Variants in MALRD1 observed in about 807,000 individuals in gnomAD.
MALRD1 encodes MAM and LDL-receptor class A domain-containing protein 1.
A neutral mutation model predicts 242.1 loss-of-function variants in MALRD1; 247 were observed. The observed-to-expected ratio is 1.02, with a 90% confidence interval of 0.92 to 1.13. MALRD1 has a LOEUF of 1.13. Ranked by LOEUF, MALRD1 falls within the 50% of genes most tolerant of loss-of-function variation. MALRD1 has a pLI of 0.00. For synonymous variants in MALRD1, 995 were observed against 866.6 expected, an observed-to-expected ratio of 1.15 and a Z score of -2.60; for missense variants, 2,989 against 2,533.1, an observed-to-expected ratio of 1.18 and a Z score of -3.86.
chr10:19,424,153 AT>A (rs763383362), intron 28 of MALRD1, among the ~76,000 whole-genome samples: 6 of 150,808 alleles, frequency 4.0e-5, no homozygotes, highest in South Asian at 2.1e-4. Flanking sequence ...GTTTTTCTTT[AT>A]TTTTTTTTCT....
chr10:19,512,376 T>C (rs1245213221), intron 31 of MALRD1, among the ~76,000 whole-genome samples: 1 of 152,218 alleles, frequency 6.6e-6, no homozygotes, highest in Non-Finnish European at 1.5e-5. Flanking sequence ...AGAATAGATA[T>C]TATTGCCATC....
chr10:19,512,719 A>T (rs879353405), intron 31 of MALRD1, among the ~76,000 whole-genome samples: 4 of 152,172 alleles, frequency 2.6e-5, no homozygotes, highest in African/African-American at 7.2e-5. Flanking sequence ...ATAGGTAGAA[A>T]TGCAGCGCCT....
At chr10:19,662,328 C>A (rs150879148) in intron 36 of MALRD1, among the ~76,000 whole-genome samples, 67 of 152,222 alleles carry the variant, frequency 4.4e-4, no homozygotes, top group Non-Finnish European at 5.3e-4. Context: ...TCCACTGAGG[C>A]TCTCCTTCAC....
At chr10:19,204,501 TC>T (rs1215440947) in intron 16 of MALRD1, 88 bp downstream of exon 16, 3 of 837,882 alleles carry the variant, frequency 3.6e-6, no homozygotes, top group African/African-American at 1.7e-5. Flanking sequence ...CTTATTCATT[TC>T]TGTGGTTTAC....
intron 30 of MALRD1, among the ~76,000 whole-genome samples, chr10:19,497,787 A>G (rs543415503): frequency 5.3e-5 from 8 of 152,314 alleles, no homozygotes; most frequent in Admixed American, 5.2e-4. Flanking sequence ...GAGTGCTTCA[A>G]AAGTAATAAC....
At chr10:19,131,236 A>G (rs993452527) in intron 8 of MALRD1, among the ~76,000 whole-genome samples, 5 of 152,170 alleles carry the variant, frequency 3.3e-5, no homozygotes, top group Non-Finnish European at 7.4e-5. Flanking sequence ...CATGAATAGA[A>G]TGCTGTTTTG....
intron 18 of MALRD1, among the ~76,000 whole-genome samples, chr10:19,231,137 G>T (rs190489213): frequency 6.6e-6 from 1 of 152,086 alleles, no homozygotes; most frequent in Non-Finnish European, 1.5e-5. Flanking sequence ...GGGACAACTC[G>T]TATCTGAAGA....
chr10:19,260,198 C>T (rs1462812171), intron 19 of MALRD1, among the ~76,000 whole-genome samples: 1 of 152,158 alleles, frequency 6.6e-6, no homozygotes, highest in Non-Finnish European at 1.5e-5. Flanking sequence ...AGCCAAGTCT[C>T]AGTAGCTTAT....
chr10:19,575,183 AT>A (rs2131486979), intron 33 of MALRD1, among the ~76,000 whole-genome samples: 1 of 152,300 alleles, frequency 6.6e-6, no homozygotes, highest in Admixed American at 6.5e-5. Context: ...CAGATGGCAA[AT>A]GCAATACTCA....
At chr10:19,204,666 T>G (rs568861347) in intron 16 of MALRD1, among the ~76,000 whole-genome samples, 7 of 152,314 alleles carry the variant, frequency 4.6e-5, no homozygotes, top group African/African-American at 1.4e-4. Flanking sequence ...GATTTCTTCC[T>G]CTTGTTATGT....
chr10:19,274,146 A>C (rs1840389226), intron 19 of MALRD1, among the ~76,000 whole-genome samples: 1 of 152,228 alleles, frequency 6.6e-6, no homozygotes, highest in Admixed American at 6.5e-5. Context: ...AAAATAATTC[A>C]AGCAGAATCT....
chr10:19,579,335 A>G (rs928824979), intron 33 of MALRD1, among the ~76,000 whole-genome samples: 5 of 152,310 alleles, frequency 3.3e-5, no homozygotes, highest in South Asian at 2.1e-4. Context: ...TAAGACAGAT[A>G]AAACTGTTGT....
At chr10:19,200,985 C>CCCAGAGTAAATGCTAATTT (rs1269851532) in intron 14 of MALRD1, among the ~76,000 whole-genome samples, 1 of 152,062 alleles carries the variant, frequency 6.6e-6, no homozygotes, top group East Asian at 1.9e-4. Flanking sequence ...GCTTGCTATA[C>CCCAGAGTAAATGCTAATTT]ACTAAACCCA....
At chr10:19,060,463 A>T (rs1834790975) in intron 1 of MALRD1, among the ~76,000 whole-genome samples, 1 of 151,802 alleles carries the variant, frequency 6.6e-6, no homozygotes, top group Non-Finnish European at 1.5e-5. Context: ...CCTTCCCCCA[A>T]TCTACCTCCT....
At chr10:19,171,427 TACATA>T (rs1834922111) in intron 13 of MALRD1, among the ~76,000 whole-genome samples, 1 of 22,170 alleles carries the variant, frequency 4.5e-5, no homozygotes, top group East Asian at 2.9e-3. Context: ...ATATTTTATA[TACATA>T]TATATATATA....
At chr10:19,395,372 T>C (rs1846530512) in intron 28 of MALRD1, among the ~76,000 whole-genome samples, 2 of 152,138 alleles carry the variant, frequency 1.3e-5, no homozygotes, top group Admixed American at 1.3e-4. Context: ...TAAACATTGG[T>C]TTGTTCCAGA....
At chr10:19,119,247 T>C (rs988794768) in intron 5 of MALRD1, among the ~76,000 whole-genome samples, 2 of 152,142 alleles carry the variant, frequency 1.3e-5, no homozygotes, top group Admixed American at 6.5e-5. Flanking sequence ...AGAAAGTTTA[T>C]GTTGAGAAAA....
At chr10:19,518,675 T>C (rs1455079911) in intron 31 of MALRD1, among the ~76,000 whole-genome samples, 3 of 151,740 alleles carry the variant, frequency 2.0e-5, no homozygotes, top group African/African-American at 7.3e-5. Context: ...TTTTTTTTTT[T>C]CATAAATACT....
intron 13 of MALRD1, among the ~76,000 whole-genome samples, chr10:19,168,602 A>T (rs1255166926): frequency 2.0e-5 from 3 of 152,050 alleles, no homozygotes. Context: ...TCCTTTTTGG[A>T]TATAGTAATG....
Sources: gnomAD v4.1 joint callset for allele counts (sites outside exome capture counted in the v4.1 genomes callset) on GRCh38, gnomAD v4.1.1 for gene constraint, MANE v1.5 for transcripts, NCBI Gene and HGNC (gene_info 2026-07-23, HGNC 2026-07-21) for gene names.